Variants in ADAM12 observed in about 807,000 individuals in gnomAD.
ADAM12 encodes the protein disintegrin and metalloproteinase domain-containing protein 12.
ADAM12 carries 70 observed loss-of-function variants against 106.4 expected under a neutral mutation model. That is an observed-to-expected ratio of 0.66 (90% CI 0.54 to 0.80). The LOEUF is 0.80. Among genes scored for constraint, ADAM12 ranks in the 30% least tolerant of loss-of-function variants. The pLI is 0.00. For synonymous variants in ADAM12, 420 were observed against 433.5 expected (o/e 0.97, Z 0.39); for missense variants, 1,010 against 1,171.9 (o/e 0.86, Z 2.02).
chr10:126,126,446 C>A (rs1026405907), intron 5 of ADAM12, among the ~76,000 whole-genome samples: 1 of 151,982 alleles, frequency 6.6e-6, no homozygotes, highest in Non-Finnish European at 1.5e-5. Flanking sequence ...TCCTTATTTT[C>A]GTTGTTTTTT....
At chr10:126,359,912 G>T (rs1855683165) in intron 1 of ADAM12, among the ~76,000 whole-genome samples, 1 of 152,194 alleles carries the variant, frequency 6.6e-6, no homozygotes, top group African/African-American at 2.4e-5. Flanking sequence ...ACTTCTGCCT[G>T]GGCATCCAGG....
intron 8 of ADAM12, among the ~76,000 whole-genome samples, chr10:126,102,619 T>C (rs1402720547): frequency 2.0e-5 from 3 of 152,238 alleles, no homozygotes; most frequent in African/African-American, 7.2e-5. Context: ...ATGACCAGGA[T>C]ACAAAGTGCA....
chr10:126,184,803 C>G (rs1463872113), intron 3 of ADAM12, among the ~76,000 whole-genome samples: 9 of 152,176 alleles, frequency 5.9e-5, no homozygotes, highest in Admixed American at 5.9e-4. Flanking sequence ...GACCAGAGTT[C>G]AAATCCTGCC....
chr10:126,273,684 G>C (rs904558789), intron 3 of ADAM12, among the ~76,000 whole-genome samples: 2 of 152,126 alleles, frequency 1.3e-5, no homozygotes, highest in African/African-American at 4.8e-5. Context: ...AAGAATTAGA[G>C]GTAAAGAGTA....
rs769366498 is a variant in ADAM12 at position 126,036,191 on chromosome 10, G to A, written c.2484C>T (p.Val828=). 1.3e-6 allele frequency: 2 copies of A among 1,537,184 alleles called. No homozygotes were observed. Among genetic ancestry groups the A allele is most frequent in the Admixed American group, 2.2e-5 (1 of 45,458 alleles). Residue 828 remains valine, a synonymous_variant, in exon 21 of 23, where the codon GTC becomes GTT. Transcript: ENST00000448723. The part of the protein sequence containing the change: ...PLHRAPRAPS[V]PARPLPAKPA... ...GCTTGGCTGGCAGGGGTCTGGCAGG[G>A]ACGCTAGGTGCACGTGGAGCCCGGT...
intron 21 of ADAM12, among the ~76,000 whole-genome samples, chr10:126,033,219 G>A (rs896678010): frequency 6.6e-6 from 1 of 152,052 alleles, no homozygotes; most frequent in African/African-American, 2.4e-5. Flanking sequence ...ACAATGGGAA[G>A]TTTTATACCA....
At chr10:126,019,583 G>A (rs1370749897) in intron 22 of ADAM12, 112 bp downstream of exon 22, 4 of 1,364,898 alleles carry the variant, frequency 2.9e-6, no homozygotes, top group Non-Finnish European at 3.0e-6. Context: ...GTTGTAGGGG[G>A]AGCAGGAAGC....
At chr10:126,186,357 C>T (rs1445891571) in intron 3 of ADAM12, among the ~76,000 whole-genome samples, 2 of 152,086 alleles carry the variant, frequency 1.3e-5, no homozygotes, top group South Asian at 2.1e-4. Flanking sequence ...CAATGTGGTG[C>T]TTGGTTGAAG....
chr10:126,030,838 G>T (rs1953959443), intron 21 of ADAM12, among the ~76,000 whole-genome samples: 1 of 152,196 alleles, frequency 6.6e-6, no homozygotes, highest in Non-Finnish European at 1.5e-5. Flanking sequence ...GATTTACAGG[G>T]GGAATGGACT....
At chr10:126,134,301 C>G (rs1440240106) in intron 5 of ADAM12, among the ~76,000 whole-genome samples, 3 of 152,186 alleles carry the variant, frequency 2.0e-5, no homozygotes, top group African/African-American at 7.2e-5. Context: ...TGTCTGCTAA[C>G]TTGGAGAGAC....
chr10:126,150,094 T>C (rs1191212669), intron 4 of ADAM12, among the ~76,000 whole-genome samples: 1 of 152,238 alleles, frequency 6.6e-6, no homozygotes, highest in Admixed American at 6.5e-5. Flanking sequence ...GAGATGTCTG[T>C]ATTAGACAAG....
intron 12 of ADAM12, among the ~76,000 whole-genome samples, chr10:126,069,863 T>C (rs1476055378): frequency 6.6e-6 from 1 of 152,110 alleles, no homozygotes; most frequent in East Asian, 1.9e-4. Context: ...GTGGCGATTG[T>C]GGAGATGGTG....
chr10:126,361,411 T>G (rs1293409887), intron 1 of ADAM12, among the ~76,000 whole-genome samples: 1 of 147,194 alleles, frequency 6.8e-6, no homozygotes, highest in East Asian at 1.9e-4. Flanking sequence ...CCAATGTGAT[T>G]TTTTATAGAA....
intron 1 of ADAM12, among the ~76,000 whole-genome samples, chr10:126,364,779 G>A (rs748772131): frequency 6.6e-6 from 1 of 151,978 alleles, no homozygotes; most frequent in African/African-American, 2.4e-5. Flanking sequence ...AATAAGGGGG[G>A]AAATTAAACT....
intron 1 of ADAM12, among the ~76,000 whole-genome samples, chr10:126,331,414 T>C (rs369156830): frequency 7.9e-5 from 12 of 152,318 alleles, no homozygotes; most frequent in South Asian, 6.2e-4. Context: ...TACTAAAGAG[T>C]TCACATTTAT....
At position 126,064,701 on chromosome 10, in the gene ADAM12, G is replaced by T. The variant is rs1226460359; in HGVS notation, c.1609+105C>A. 4.9e-6 allele frequency: 6 copies of T among 1,225,574 alleles called. No homozygotes were observed. The highest frequency in any genetic ancestry group is 6.8e-6 in the Non-Finnish European group (6 of 885,336). 75.9% of individuals were successfully genotyped at this position (1,225,574 alleles called of 1,614,324 possible). A position where few individuals can be genotyped will look rare whatever the true frequency, so the allele number is the denominator to read the frequency against. ...ACACACCGGATGCTGTGTGGACAGC[G>T]CCCGCCAGGAGTGGGGGCTAACCAA... On this transcript the variant is annotated intron_variant, in intron 14 of 22. Transcript: ENST00000448723. The surrounding 1 kb of genome is among the most constrained non-coding windows in gnomAD (Gnocchi z 4.4).
chr10:126,177,895 C>T (rs1264575030), intron 3 of ADAM12, among the ~76,000 whole-genome samples: 2 of 152,156 alleles, frequency 1.3e-5, no homozygotes, highest in Admixed American at 6.5e-5. Context: ...GTAGCTGGAG[C>T]GAGCAACGTG....
intron 3 of ADAM12, among the ~76,000 whole-genome samples, chr10:126,185,313 C>A: frequency 6.6e-6 from 1 of 152,206 alleles, no homozygotes; most frequent in East Asian, 1.9e-4. Flanking sequence ...TACTCTTCAG[C>A]TTTCTTTTGT....
At chr10:126,169,786 C>G (rs1226827424) in intron 3 of ADAM12, among the ~76,000 whole-genome samples, 2 of 152,136 alleles carry the variant, frequency 1.3e-5, no homozygotes, top group Non-Finnish European at 2.9e-5. Flanking sequence ...AAAAAAAGTT[C>G]AGCCGACTTA....
Sources: allele counts gnomAD v4.1 joint callset (sites outside exome capture counted in the v4.1 genomes callset), GRCh38; gene constraint gnomAD v4.1.1; non-coding constraint Gnocchi (gnomAD v3.1); transcripts MANE v1.5; gene names NCBI Gene and HGNC (gene_info 2026-07-23, HGNC 2026-07-21).